VIT: variants seen among roughly 807,000 people sequenced by gnomAD.
VIT encodes vitrin.
In VIT, 99 loss-of-function variants were observed where a neutral mutation model predicts 78.0. The observed-to-expected ratio is 1.27, with a 90% CI of 1.08 to 1.50. The LOEUF (loss-of-function observed/expected upper bound fraction) is 1.50. Among genes scored for constraint, VIT ranks in the 40% most tolerant of loss-of-function variants. The pLI is 0.00. For synonymous variants in VIT, 374 were observed against 334.3 expected (o/e 1.12, Z -1.29); for missense variants, 1,126 against 875.3 (o/e 1.29, Z -3.61).
At chr2:36,723,149 T>C (rs981487796) in intron 2 of VIT, among the ~76,000 whole-genome samples, 1 of 152,160 alleles carries the variant, frequency 6.6e-6, no homozygotes, top group African/African-American at 2.4e-5. Flanking sequence ...AGGTTAGAGC[T>C]GAACACTTCA....
intron 14 of VIT, among the ~76,000 whole-genome samples, 185 bp from the exon 15 acceptor site, chr2:36,808,287 A>T (rs1053540257): frequency 6.6e-6 from 1 of 152,228 alleles, no homozygotes; most frequent in Admixed American, 6.5e-5. Context: ...GTCCAGCGAT[A>T]ACCCGGGGGC....
At chr2:36,804,787 G>A (rs887887019) in intron 13 of VIT, among the ~76,000 whole-genome samples, 3 of 151,536 alleles carry the variant, frequency 2.0e-5, no homozygotes, top group Non-Finnish European at 4.4e-5. Flanking sequence ...TCGAGATTGT[G>A]CCACTGCACT....
At chr2:36,740,839 A>C (rs1293432085) in intron 3 of VIT, among the ~76,000 whole-genome samples, 2 of 152,236 alleles carry the variant, frequency 1.3e-5, no homozygotes, top group Non-Finnish European at 2.9e-5. Flanking sequence ...ATTTCATGGA[A>C]GATCTTACTG....
intron 1 of VIT, among the ~76,000 whole-genome samples, chr2:36,713,723 T>C (rs1223202490): frequency 6.6e-6 from 1 of 152,174 alleles, no homozygotes; most frequent in Non-Finnish European, 1.5e-5. Context: ...CAGGATTGGC[T>C]GGTGGAGAGC....
chr2:36,697,613 A>G (rs1217536742), intron 1 of VIT, among the ~76,000 whole-genome samples: 2 of 152,228 alleles, frequency 1.3e-5, no homozygotes, highest in African/African-American at 4.8e-5. Context: ...TTTTCACAGG[A>G]AGACAGGATA....
intron 10 of VIT, among the ~76,000 whole-genome samples, chr2:36,782,869 A>G (rs545314845): frequency 2.6e-5 from 4 of 152,210 alleles, no homozygotes; most frequent in South Asian, 2.1e-4. Context: ...TCCACATCCA[A>G]TCCTCATTAG....
intron 7 of VIT, among the ~76,000 whole-genome samples, chr2:36,771,986 T>A (rs1175240940): frequency 6.6e-6 from 1 of 152,170 alleles, no homozygotes; most frequent in Non-Finnish European, 1.5e-5. Context: ...GGGATACAAC[T>A]CTGTATGCCA....
At chr2:36,725,141 T>C (rs13408523) in intron 2 of VIT, among the ~76,000 whole-genome samples, 9,413 of 152,130 alleles carry the variant, frequency 0.062, 399 homozygotes, top group East Asian at 0.26. Context: ...CACTCAGTTC[T>C]CTTTCATGTT....
At chr2:36,717,376 GT>G (rs1558510729) in intron 2 of VIT, among the ~76,000 whole-genome samples, 6 of 146,748 alleles carry the variant, frequency 4.1e-5, no homozygotes, top group African/African-American at 1.5e-4. Context: ...GTGTGTGTGT[GT>G]GTGTGTGTGT....
intron 7 of VIT, among the ~76,000 whole-genome samples, chr2:36,767,506 C>T (rs936762411): frequency 6.6e-6 from 1 of 152,168 alleles, no homozygotes; most frequent in South Asian, 2.1e-4. Context: ...AATACTTTCC[C>T]ATTGCAAAAT....
At chr2:36,807,601 A>C (rs773791592) in intron 14 of VIT, among the ~76,000 whole-genome samples, 6 of 152,228 alleles carry the variant, frequency 3.9e-5, no homozygotes, top group Non-Finnish European at 7.3e-5. Context: ...TAATTATACA[A>C]GGGTAGTTGT....
intron 6 of VIT, among the ~76,000 whole-genome samples, chr2:36,762,469 A>G (rs2148571853): frequency 6.6e-6 from 1 of 152,322 alleles, no homozygotes. Context: ...CTAAACTACC[A>G]GCATTCCAAC....
rs1444701417 is a variant in VIT, at chr2:36,808,994, G to T, written c.1903+9G>T. 4 of 1,564,914 alleles carry T rather than the reference G, an allele frequency of 2.6e-6. No homozygotes were observed. Among genetic ancestry groups the T allele is most frequent in the Non-Finnish European group, 3.5e-6 (4 of 1,151,394 alleles). On this transcript the variant is annotated intron_variant, in intron 15 of 15. Coordinates refer to ENST00000379242, the MANE Select transcript of VIT (RefSeq NM_053276.4). The stretch of plus-strand genomic sequence containing the variant: ...GGCTGCCCATCTGAAGGGTAAGCTG[G>T]GCTTGCCAAGCAGCCTGGTGCTGAG...
intron 2 of VIT, among the ~76,000 whole-genome samples, chr2:36,726,186 G>T (rs184863286): frequency 6.6e-6 from 1 of 152,026 alleles, no homozygotes; most frequent in East Asian, 1.9e-4. Flanking sequence ...ATAATGGATC[G>T]ATGCAAAGAT....
At position 36,808,396 on chromosome 2, in the gene VIT, C is replaced by T. The variant is rs775873807; in HGVS notation, c.1390-76C>T. The T allele has an allele frequency of 3.4e-4, 515 of 1,507,362 alleles. 1 individual carries two copies. The highest frequency in any genetic ancestry group is 9.5e-4 in the Admixed American group (44 of 46,522). 93.4% of individuals were successfully genotyped at this position (1,507,362 alleles called of 1,614,324 possible). A position where few individuals can be genotyped will look rare whatever the true frequency, so the allele number is the denominator to read the frequency against. ...GGCCTGCTTGCTTCTTCACCTGCCC[C>T]GGGGGATCAAGCCTAATGGTGACAC... On this transcript the variant is annotated intron_variant, in intron 14 of 15. Coordinates refer to ENST00000379242, the MANE Select transcript of VIT (RefSeq NM_053276.4).
chr2:36,800,529 C>G (rs1192556863), intron 12 of VIT, among the ~76,000 whole-genome samples: 2 of 152,138 alleles, frequency 1.3e-5, no homozygotes, highest in Admixed American at 6.5e-5. Flanking sequence ...CTGCGCAGGT[C>G]TCACGCCCAC....
chr2:36,750,265 C>T (rs1354432786), intron 4 of VIT, among the ~76,000 whole-genome samples: 1 of 152,236 alleles, frequency 6.6e-6, no homozygotes, highest in African/African-American at 2.4e-5. Context: ...CCCATACATG[C>T]CTCCCACACA....
chr2:36,698,446 G>A (rs982197396), intron 1 of VIT, among the ~76,000 whole-genome samples: 6 of 152,130 alleles, frequency 3.9e-5, no homozygotes, highest in African/African-American at 1.2e-4. Context: ...CAATGCATGC[G>A]CCAAGCCAGG....
At chr2:36,787,403 C>G in intron 12 of VIT, 127 bp downstream of exon 12, 7 of 1,272,272 alleles carry the variant, frequency 5.5e-6, no homozygotes, top group Non-Finnish European at 6.3e-6. Context: ...GTTCTCTTCC[C>G]TAATGCAAAT....
Sources: gnomAD v4.1 joint callset for allele counts (sites outside exome capture counted in the v4.1 genomes callset) on GRCh38, gnomAD v4.1.1 for gene constraint, MANE v1.5 for transcripts, NCBI Gene and HGNC (gene_info 2026-07-23, HGNC 2026-07-21) for gene names.